Variants in MYT1L observed in about 807,000 individuals in gnomAD.
MYT1L encodes myelin transcription factor 1-like protein.
In MYT1L, 12 loss-of-function variants were observed where a neutral mutation model predicts 126.7. The observed-to-expected ratio is 0.09, with a 90% CI of 0.06 to 0.15. The LOEUF (loss-of-function observed/expected upper bound fraction) is 0.15, where lower values mean the gene tolerates loss of function less well. Among genes scored for constraint, MYT1L ranks in the 10% least tolerant of loss-of-function variants. MYT1L has a pLI of 1.00. For synonymous variants in MYT1L, 541 were observed against 604.2 expected (o/e 0.90, Z 1.53); for missense variants, 979 against 1,585.2 (o/e 0.62, Z 6.49).
rs755168664 is a variant in MYT1L at position 1,889,288 on chromosome 2, T to C, written c.2473A>G (p.Lys825Glu). Residue 825 changes from lysine to glutamate, a missense_variant, in exon 16 of 25, where the codon AAA becomes GAA. Lys to Glu is a moderately conservative substitution (Grantham distance 56). Around this residue, in one of 12 missense-constraint regions of MYT1L, gnomAD observed 141 missense variants for 170.6 expected, o/e 0.83. Transcript: ENST00000647738. This position sits in a 1 kb window ranked among gnomAD's most constrained non-coding sequence, Gnocchi z 4.1. The stretch of plus-strand genomic sequence containing the variant: ...TCGTCTATCCTCCGGGGTTTCATTT[T>C]GGTGTAGTCTACGGGCAAGTCCCAG... The part of the protein sequence containing the change: ...DCWDLPVDYT[K>E]MKPRRIDEDE... 6.2e-7 allele frequency: 1 copy of C among 1,613,876 alleles called. No individual in the cohort carries two copies. The highest frequency in any genetic ancestry group is 1.3e-5 in the African/African-American group (1 of 74,912).
intron 2 of MYT1L, among the ~76,000 whole-genome samples, chr2:2,267,219 G>A (rs772762253): frequency 1.3e-5 from 2 of 152,252 alleles, no homozygotes; most frequent in Admixed American, 6.5e-5. Context: ...CAACAGCCCT[G>A]TGCTAGCTGC....
In MYT1L at chr2:2,217,685, C is replaced by CAAAAAAAAAAAAAAAAA. The variant is rs1167910803; in HGVS notation, c.-420-44698_-420-44697insTTTTTTTTTTTTTTTTT. 8.8e-5 allele frequency among the ~76,000 whole-genome samples: 7 copies of CAAAAAAAAAAAAAAAAA among 79,658 alleles called. 1 individual carries two copies. In the East Asian group the frequency reaches 1.1e-3, roughly 12 times the overall value. The allele number at this position is 79,658 out of a possible 152,430, so 52.3% of individuals were successfully genotyped here. A position where few individuals can be genotyped will look rare whatever the true frequency, so the allele number is the denominator to read the frequency against. ...AACTCCATCTCAACAACAACAACAA[C>CAAAAAAAAAAAAAAAAA]AACAACAACAACAACAACAACAAAA... On this transcript the variant is annotated intron_variant, in intron 2 of 24. Coordinates refer to ENST00000647738, the MANE Select transcript of MYT1L (RefSeq NM_001303052.2).
intron 3 of MYT1L, among the ~76,000 whole-genome samples, chr2:2,125,138 C>A (rs534054018): frequency 6.6e-6 from 1 of 152,312 alleles, no homozygotes; most frequent in South Asian, 2.1e-4. Flanking sequence ...CTTCCTGTCT[C>A]TTCTGCCCTT....
intron 23 of MYT1L, among the ~76,000 whole-genome samples, chr2:1,798,466 G>A (rs1481336729): frequency 6.6e-6 from 1 of 152,218 alleles, no homozygotes; most frequent in Non-Finnish European, 1.5e-5. Context: ...AGAACATCAG[G>A]CCGTGGGCAC....
intron 23 of MYT1L, among the ~76,000 whole-genome samples, chr2:1,798,893 G>A (rs1037233465): frequency 6.6e-6 from 1 of 152,198 alleles, no homozygotes; most frequent in Non-Finnish European, 1.5e-5. Context: ...GGCTGTGGGC[G>A]CACATTGTTT....
At chr2:2,321,368 G>A (rs576531064) in intron 1 of MYT1L, among the ~76,000 whole-genome samples, 28 of 152,216 alleles carry the variant, frequency 1.8e-4, no homozygotes, top group African/African-American at 6.3e-4. Flanking sequence ...CTGCAGACTC[G>A]CTTATTTCTA....
chr2:2,078,237 T>C (rs2075428947), intron 3 of MYT1L, among the ~76,000 whole-genome samples: 1 of 152,092 alleles, frequency 6.6e-6, no homozygotes, highest in Non-Finnish European at 1.5e-5. Flanking sequence ...AGGAATAATA[T>C]TTTTAACAAG....
rs533419766 is a variant in MYT1L at position 1,843,910 on chromosome 2, C to T, written c.2775-3067G>A. Among the ~76,000 whole-genome samples the T allele has an allele frequency of 9.6e-4, 147 of 152,358 alleles. 1 individual carries two copies. The highest frequency in any genetic ancestry group is 3.4e-3 in the African/African-American group (140 of 41,580). On this transcript the variant is annotated intron_variant, in intron 19 of 24. Transcript: ENST00000647738. ...GCAACAAGATTTGGCTCCGACAATG[C>T]GGTGGCCTCCAGGAAGCCTTGGCCT... is the stretch of plus-strand genomic sequence containing the variant.
chr2:2,211,847 C>T (rs1460020016), intron 2 of MYT1L, among the ~76,000 whole-genome samples: 1 of 149,426 alleles, frequency 6.7e-6, no homozygotes, highest in Non-Finnish European at 1.5e-5. Context: ...ACTGACAATG[C>T]TTCTAGAACA....
chr2:2,044,288 T>C (rs1260489645), intron 4 of MYT1L, among the ~76,000 whole-genome samples: 1 of 152,230 alleles, frequency 6.6e-6, no homozygotes, highest in African/African-American at 2.4e-5. Flanking sequence ...TCTGTCACGA[T>C]ACACCACACT....
At position 2,103,126 on chromosome 2, in the gene MYT1L, C is replaced by T. The variant is rs369460618; in HGVS notation, c.-303-49003G>A. Among the ~76,000 whole-genome samples, 18 of 152,162 alleles carry T rather than the reference C, an allele frequency of 1.2e-4. No individual in the cohort carries two copies. The East Asian group carries it at 1.7e-3, about 15-fold the overall frequency. On this transcript the variant is annotated intron_variant, in intron 3 of 24. Coordinates refer to ENST00000647738, the MANE Select transcript of MYT1L (RefSeq NM_001303052.2). ...ACATGCTTACATGTGCCAGAGAAAG[C>T]CTGCATGTTTCCCTCTAATTTTCAA... is the stretch of plus-strand genomic sequence containing the variant.
chr2:2,313,289 G>C (rs2096005984), intron 1 of MYT1L, among the ~76,000 whole-genome samples: 1 of 151,940 alleles, frequency 6.6e-6, no homozygotes. Context: ...GGAAAATCAA[G>C]TGCAATCAGC....
chr2:1,866,333 C>T (rs2045462100), intron 18 of MYT1L, among the ~76,000 whole-genome samples: 1 of 152,032 alleles, frequency 6.6e-6, no homozygotes, highest in Non-Finnish European at 1.5e-5. Flanking sequence ...CGCCTGCTGC[C>T]CACAGCTTCC....
At chr2:2,046,496 T>C (rs892197892) in intron 4 of MYT1L, among the ~76,000 whole-genome samples, 1 of 152,230 alleles carries the variant, frequency 6.6e-6, no homozygotes, top group Non-Finnish European at 1.5e-5. Context: ...ACATTTCTAA[T>C]ACAAAAATGC....
chr2:2,282,599 A>G (rs975651756), intron 2 of MYT1L, among the ~76,000 whole-genome samples: 2 of 152,244 alleles, frequency 1.3e-5, no homozygotes, highest in African/African-American at 4.8e-5. Context: ...ATTTATCTTA[A>G]GAAAATCATT....
At chr2:1,830,520 G>A (rs2039999726) in intron 21 of MYT1L, among the ~76,000 whole-genome samples, 2 of 152,062 alleles carry the variant, frequency 1.3e-5, no homozygotes, top group Non-Finnish European at 2.9e-5. Flanking sequence ...GGGAGATGGA[G>A]GAAAGGGTGT....
At chr2:2,170,540 T>C (rs539893488) in intron 3 of MYT1L, among the ~76,000 whole-genome samples, 24 of 152,362 alleles carry the variant, frequency 1.6e-4, no homozygotes, top group Admixed American at 6.5e-4. Flanking sequence ...ACCAGGTCTA[T>C]GTAACACGAT....
rs1457251401 is a variant in MYT1L, at chr2:1,956,361, ATCATCTAT to A, written c.153-13035_153-13028del. Among the ~76,000 whole-genome samples, 414 of 148,244 alleles carry A rather than the reference ATCATCTAT, an allele frequency of 2.8e-3. 62 individuals are homozygous for A. Among genetic ancestry groups the A allele is most frequent in the African/African-American group, 9.8e-3 (386 of 39,258 alleles). ...TATTTCCTATTCTATCTATCTATCT[ATCATCTAT>A]CCTATTCTATATTTCCTATTCTTTC... is the stretch of plus-strand genomic sequence containing the variant. On this transcript the variant is annotated intron_variant, in intron 8 of 24. Coordinates refer to ENST00000647738, the MANE Select transcript of MYT1L (RefSeq NM_001303052.2).
At chr2:2,079,050 G>A (rs1480725802) in intron 3 of MYT1L, among the ~76,000 whole-genome samples, 1 of 152,140 alleles carries the variant, frequency 6.6e-6, no homozygotes, top group Non-Finnish European at 1.5e-5. Flanking sequence ...TGCCTATGAG[G>A]AAATGAGCCT....
Sources: gnomAD v4.1 joint callset for allele counts (sites outside exome capture counted in the v4.1 genomes callset) on GRCh38, gnomAD v4.1.1 for gene constraint, gnomAD v4.1.1 regional missense constraint, Gnocchi (gnomAD v3.1) non-coding constraint, MANE v1.5 for transcripts, NCBI Gene and HGNC (gene_info 2026-07-23, HGNC 2026-07-21) for gene names.